ADAM2: variants seen among roughly 807,000 people sequenced by gnomAD.
ADAM2 encodes disintegrin and metalloproteinase domain-containing protein 2.
Under a neutral mutation model 99.3 loss-of-function variants are expected in ADAM2, and 101 were observed. The observed-to-expected ratio is 1.02, with a 90% CI of 0.87 to 1.20. The LOEUF (loss-of-function observed/expected upper bound fraction) is 1.20. Among genes scored for constraint, ADAM2 ranks in the 50% most tolerant of loss-of-function variants. The pLI is 0.00. For synonymous variants in ADAM2, 323 were observed against 287.6 expected, an observed-to-expected ratio of 1.12 and a Z score of -1.25; for missense variants, 948 against 878.7, an observed-to-expected ratio of 1.08 and a Z score of -1.00.
At chr8:39,808,318 AG>A (rs1481430383) in intron 7 of ADAM2, among the ~76,000 whole-genome samples, 1 of 152,148 alleles carries the variant, frequency 6.6e-6, no homozygotes, top group Non-Finnish European at 1.5e-5. Flanking sequence ...TGAAAATATG[AG>A]AAGTAATCAT....
intron 3 of ADAM2, among the ~76,000 whole-genome samples, chr8:39,828,627 T>C (rs139583809): frequency 6.6e-6 from 1 of 151,952 alleles, no homozygotes; most frequent in Non-Finnish European, 1.5e-5. Flanking sequence ...AGTCTGGTTA[T>C]AAACACCTAT....
At chr8:39,803,096 G>A (rs1804284682) in intron 7 of ADAM2, among the ~76,000 whole-genome samples, 2 of 152,082 alleles carry the variant, frequency 1.3e-5, no homozygotes, top group Non-Finnish European at 2.9e-5. Flanking sequence ...AGAAAAGATC[G>A]ACCATGGATC....
chr8:39,770,846 C>T (rs757880071), intron 11 of ADAM2, among the ~76,000 whole-genome samples: 12 of 152,112 alleles, frequency 7.9e-5, no homozygotes, highest in Non-Finnish European at 1.6e-4. Flanking sequence ...TGTCTACTTT[C>T]TATATATTCA....
rs1466061230 is a variant in ADAM2 at position 39,821,107 on chromosome 8, A to AATTTACTG, written c.407_408insCAGTAAAT (p.Glu137SerfsTer6). The AATTTACTG allele has an allele frequency of 3.7e-6, 6 of 1,612,200 alleles. No individual in the cohort carries two copies. Among genetic ancestry groups the AATTTACTG allele is most frequent in the Non-Finnish European group, 5.1e-6 (6 of 1,178,706 alleles). On this transcript the variant is annotated frameshift_variant, in exon 6 of 21. Coordinates refer to ENST00000265708, the MANE Select transcript of ADAM2 (RefSeq NM_001464.5). LOFTEE classifies it high-confidence loss of function. Reference sequence around the variant, plus strand: ...GTTTTACTTGGTAAATTACATGTTCAAAGCCAACTGAAGACTCCAGGGGTT... The same window carrying AATTTACTG: ...GTTTTACTTGGTAAATTACATGTTCAATTTACTGAAGCCAACTGAAGACTCCAGGGGTT...
chr8:39,836,935 T>C (rs755210688), intron 2 of ADAM2, among the ~76,000 whole-genome samples: 20 of 152,238 alleles, frequency 1.3e-4, no homozygotes, highest in Non-Finnish European at 2.8e-4. Context: ...GGGGCTTTGA[T>C]AACCAGCATC....
At chr8:39,811,315 CA>C (rs1804686038) in intron 6 of ADAM2, among the ~76,000 whole-genome samples, 2 of 152,124 alleles carry the variant, frequency 1.3e-5, no homozygotes. Context: ...AGTCCAGGAC[CA>C]GATGGATTCA....
chr8:39,794,932 A>G (rs1488416212), intron 7 of ADAM2, among the ~76,000 whole-genome samples: 2 of 152,074 alleles, frequency 1.3e-5, no homozygotes, highest in Non-Finnish European at 2.9e-5. Context: ...AGCATTTTCT[A>G]CCTAGGTTTC....
intron 11 of ADAM2, 72 bp downstream of exon 11, chr8:39,776,953 A>T (rs1398499411): frequency 1.7e-5 from 17 of 984,066 alleles, no homozygotes; most frequent in Non-Finnish European, 2.6e-5. Context: ...TAACAACTTA[A>T]ACTTTCTTCA....
chr8:39,766,875 T>C lies in ADAM2; in HGVS notation c.1480A>G (p.Lys494Glu). ...TTGCCAAATGTGTCTGTACATTGTTTATCCCCACTCATACAAACTCCATCT... is the reference window on the plus strand; with the variant it reads ...TTGCCAAATGTGTCTGTACATTGTTCATCCCCACTCATACAAACTCCATCT... ...CIDGVCMSGD[K>E]QCTDTFGKEV... is the part of the protein sequence containing the mutation. Residue 494 changes from lysine (K) to glutamate (E), a missense_variant, in exon 14 of 21, where the codon AAA becomes GAA. Physicochemically the swap from Lys to Glu is moderately conservative, Grantham distance 56 (BLOSUM62 1). Transcript: ENST00000265708. The C allele has an allele frequency of 6.2e-7, 1 of 1,608,742 alleles. No homozygotes were observed. The highest frequency in any genetic ancestry group is 2.2e-5 in the East Asian group (1 of 44,718).
At chr8:39,831,739 A>C (rs909765295) in intron 3 of ADAM2, among the ~76,000 whole-genome samples, 2 of 152,202 alleles carry the variant, frequency 1.3e-5, no homozygotes, top group African/African-American at 4.8e-5. Context: ...GAAATCATCG[A>C]GAATAAAGCA....
At chr8:39,803,095 C>T (rs1022473423) in intron 7 of ADAM2, among the ~76,000 whole-genome samples, 1 of 152,092 alleles carries the variant, frequency 6.6e-6, no homozygotes, top group Non-Finnish European at 1.5e-5. Flanking sequence ...CAGAAAAGAT[C>T]GACCATGGAT....
intron 2 of ADAM2, among the ~76,000 whole-genome samples, chr8:39,836,637 A>G (rs975583390): frequency 3.3e-5 from 5 of 152,200 alleles, no homozygotes; most frequent in Admixed American, 3.3e-4. Flanking sequence ...TTCAAATTTT[A>G]AAAAGAGAGT....
chr8:39,790,748 C>T (rs1189824384), intron 7 of ADAM2, among the ~76,000 whole-genome samples: 1 of 151,884 alleles, frequency 6.6e-6, no homozygotes, highest in African/African-American at 2.4e-5. Context: ...GCAGTTAGAA[C>T]TTCCAAATCT....
Position 39,769,471 on chromosome 8 carries a change from T to G in ADAM2, c.1133A>C (p.Asp378Ala). The G allele has an allele frequency of 6.2e-7, 1 of 1,613,944 alleles. No homozygotes were observed. The highest frequency in any genetic ancestry group is 1.1e-5 in the South Asian group (1 of 91,080). Residue 378 changes from aspartate to alanine, a missense_variant, in exon 12 of 21, where the codon GAT (aspartate) becomes GCT (alanine). Transcript: ENST00000265708. ...SQCLHNQPRLDPFFKQQAVCG... is the reference protein window; with the variant it reads ...SQCLHNQPRLAPFFKQQAVCG... The stretch of plus-strand genomic sequence containing the variant: ...CACTGCTTGCTGTTTGAAAAAAGGA[T>G]CTAAGCGAGGCTGATTGTGAAGACA...
At chr8:39,819,285 T>A (rs1805079641) in intron 6 of ADAM2, among the ~76,000 whole-genome samples, 2 of 152,036 alleles carry the variant, frequency 1.3e-5, no homozygotes, top group African/African-American at 4.8e-5. Flanking sequence ...GAAAAAATAA[T>A]CTCTTCAACA....
intron 1 of ADAM2, among the ~76,000 whole-genome samples, chr8:39,837,547 C>T (rs113530436): frequency 0.025 from 3,763 of 152,176 alleles, 155 homozygotes; most frequent in African/African-American, 0.086. Flanking sequence ...CTACCACCCC[C>T]AGCTAATTTT....
chr8:39,820,900 G>A (rs1805150649), intron 6 of ADAM2, 102 bp downstream of exon 6: 1 of 642,892 alleles, frequency 1.6e-6, no homozygotes, highest in African/African-American at 1.9e-5. Context: ...TATATGTTTT[G>A]GTGTTTATGG....
At chr8:39,808,086 A>G (rs566531551) in intron 7 of ADAM2, among the ~76,000 whole-genome samples, 2 of 152,214 alleles carry the variant, frequency 1.3e-5, no homozygotes, top group Admixed American at 6.5e-5. Context: ...TCTAGCAAAG[A>G]CAATATTGCA....
intron 6 of ADAM2, among the ~76,000 whole-genome samples, chr8:39,820,642 C>T (rs1385096760): frequency 6.6e-6 from 1 of 152,100 alleles, no homozygotes; most frequent in Admixed American, 6.5e-5. Context: ...GGTGACTCTC[C>T]TCAGGACCCT....
Sources: gnomAD v4.1 joint callset for allele counts (sites outside exome capture counted in the v4.1 genomes callset) on GRCh38, gnomAD v4.1.1 for gene constraint, MANE v1.5 for transcripts, NCBI Gene and HGNC (gene_info 2026-07-23, HGNC 2026-07-21) for gene names.